Variants in KCTD8 observed in about 807,000 individuals in gnomAD.
KCTD8 encodes the protein BTB/POZ domain-containing protein KCTD8.
Under a neutral mutation model 31.5 loss-of-function variants are expected in KCTD8, and 27 were observed. The observed-to-expected ratio is 0.86, with a 90% CI of 0.63 to 1.18. The LOEUF (loss-of-function observed/expected upper bound fraction) is 1.18, where lower values mean the gene tolerates loss of function less well. Ranked by LOEUF, KCTD8 falls within the 50% of genes most tolerant of loss-of-function variation. The pLI, the probability that KCTD8 is intolerant of heterozygous loss-of-function variation, is 0.00. For synonymous variants in KCTD8, 290 were observed against 280.0 expected (o/e 1.04, Z -0.36); for missense variants, 658 against 647.7 (o/e 1.02, Z -0.17).
chr4:44,195,036 A>C (rs993794410), intron 1 of KCTD8, among the ~76,000 whole-genome samples: 5 of 150,326 alleles, frequency 3.3e-5, no homozygotes, highest in Admixed American at 1.3e-4. Context: ...TTGTATTTCT[A>C]ATTTTTGTAT....
intron 1 of KCTD8, among the ~76,000 whole-genome samples, chr4:44,324,967 T>TG (rs1361584699): frequency 2.0e-5 from 3 of 151,986 alleles, no homozygotes; most frequent in African/African-American, 2.4e-5. Context: ...GTGATATAGC[T>TG]GCCAACTCTA....
At chr4:44,294,428 T>C (rs993693546) in intron 1 of KCTD8, among the ~76,000 whole-genome samples, 1 of 152,230 alleles carries the variant, frequency 6.6e-6, no homozygotes, top group Non-Finnish European at 1.5e-5. Context: ...GAAAAACATA[T>C]GTTTAAAAGA....
At chr4:44,357,801 C>T (rs1341329542) in intron 1 of KCTD8, among the ~76,000 whole-genome samples, 1 of 151,696 alleles carries the variant, frequency 6.6e-6, no homozygotes, top group Non-Finnish European at 1.5e-5. Context: ...ATGCTCTCCT[C>T]TGGTATCATT....
intron 1 of KCTD8, among the ~76,000 whole-genome samples, chr4:44,188,444 A>G (rs1423660876): frequency 6.6e-6 from 1 of 152,182 alleles, no homozygotes; most frequent in African/African-American, 2.4e-5. Flanking sequence ...TCATTTTCCT[A>G]TTCTGTCTAA....
At chr4:44,368,784 G>C (rs1719705145) in intron 1 of KCTD8, among the ~76,000 whole-genome samples, 1 of 152,118 alleles carries the variant, frequency 6.6e-6, no homozygotes, top group Non-Finnish European at 1.5e-5. Flanking sequence ...TCTCAATTCA[G>C]GTTATAGTTA....
intron 1 of KCTD8, among the ~76,000 whole-genome samples, chr4:44,345,813 C>T (rs988156752): frequency 6.6e-6 from 1 of 151,830 alleles, no homozygotes; most frequent in Non-Finnish European, 1.5e-5. Flanking sequence ...TTCAACAAAG[C>T]CTAGAACTGG....
At chr4:44,182,291 C>T (rs1055528847) in intron 1 of KCTD8, among the ~76,000 whole-genome samples, 1 of 152,204 alleles carries the variant, frequency 6.6e-6, no homozygotes, top group African/African-American at 2.4e-5. Context: ...GGGCAGTGTA[C>T]CCAACAGCTC....
At chr4:44,178,918 T>TA (rs1023244441) in intron 1 of KCTD8, among the ~76,000 whole-genome samples, 5 of 152,184 alleles carry the variant, frequency 3.3e-5, no homozygotes, top group African/African-American at 1.2e-4. Context: ...GAGAATTTTG[T>TA]ACCCACCATG....
intron 1 of KCTD8, among the ~76,000 whole-genome samples, chr4:44,266,897 G>A (rs1716388657): frequency 6.6e-6 from 1 of 151,506 alleles, no homozygotes; most frequent in Non-Finnish European, 1.5e-5. Context: ...CATAAAGCAA[G>A]TCCTGAGTGA....
chr4:44,403,817 G>A (rs370535346), intron 1 of KCTD8, among the ~76,000 whole-genome samples: 4 of 151,886 alleles, frequency 2.6e-5, no homozygotes, highest in African/African-American at 7.3e-5. Context: ...CTAAGAGTAC[G>A]GAGCCAAAAA....
intron 1 of KCTD8, among the ~76,000 whole-genome samples, chr4:44,371,215 G>A (rs1490227651): frequency 6.6e-6 from 1 of 152,152 alleles, no homozygotes; most frequent in African/African-American, 2.4e-5. Context: ...TGGATTGGAT[G>A]ATGCCTGCCT....
chr4:44,202,923 C>G (rs189075269), intron 1 of KCTD8, among the ~76,000 whole-genome samples: 134 of 152,192 alleles, frequency 8.8e-4, no homozygotes, highest in African/African-American at 3.2e-3. Flanking sequence ...TTAGCACACA[C>G]ATACACACAA....
At chr4:44,431,489 C>A (rs570226385) in intron 1 of KCTD8, among the ~76,000 whole-genome samples, 29 of 151,490 alleles carry the variant, frequency 1.9e-4, no homozygotes, top group African/African-American at 6.5e-4. Context: ...AAGAGTTTAG[C>A]CTATAATGAT....
intron 1 of KCTD8, among the ~76,000 whole-genome samples, chr4:44,360,255 A>G (rs1281676853): frequency 2.0e-5 from 3 of 152,060 alleles, no homozygotes; most frequent in Non-Finnish European, 2.9e-5. Context: ...CTAAGAATCT[A>G]TAAAATTATT....
intron 1 of KCTD8, among the ~76,000 whole-genome samples, chr4:44,332,549 T>C (rs2012541): frequency 0.91 from 137,956 of 151,976 alleles, 62,815 homozygotes; most frequent in East Asian, 1. Context: ...ACTTCATCTG[T>C]GACAGTACCT....
At chr4:44,331,659 T>A (rs1181856322) in intron 1 of KCTD8, among the ~76,000 whole-genome samples, 1 of 150,564 alleles carries the variant, frequency 6.6e-6, no homozygotes, top group Non-Finnish European at 1.5e-5. Flanking sequence ...AAAATGTATA[T>A]ATTTTTATTG....
intron 1 of KCTD8, among the ~76,000 whole-genome samples, chr4:44,269,342 G>T (rs1334310122): frequency 1.3e-5 from 2 of 151,942 alleles, no homozygotes; most frequent in Non-Finnish European, 1.5e-5. Context: ...GCCATACGTA[G>T]AAAGCTGAAA....
chr4:44,399,601 T>C (rs1720595061), intron 1 of KCTD8, among the ~76,000 whole-genome samples: 1 of 152,088 alleles, frequency 6.6e-6, no homozygotes, highest in Non-Finnish European at 1.5e-5. Flanking sequence ...ATCCTGTTGG[T>C]CCCCCAGCAT....
chr4:44,311,624 A>G (rs1192046858), intron 1 of KCTD8, among the ~76,000 whole-genome samples: 1 of 152,106 alleles, frequency 6.6e-6, no homozygotes, highest in Non-Finnish European at 1.5e-5. Flanking sequence ...GAAGATATAC[A>G]GTATTTAACA....
Sources: gnomAD v4.1 joint callset for allele counts (sites outside exome capture counted in the v4.1 genomes callset) on GRCh38, gnomAD v4.1.1 for gene constraint, MANE v1.5 for transcripts, NCBI Gene and HGNC (gene_info 2026-07-23, HGNC 2026-07-21) for gene names.